The following DYM variants were observed in gnomAD, a reference collection of about 807,000 sequenced individuals.
DYM encodes dyggve-Melchior-Clausen syndrome protein.
A neutral mutation model predicts 93.1 loss-of-function variants in DYM; 78 were observed. The observed-to-expected ratio is 0.84, with a 90% CI of 0.70 to 1.01. The LOEUF is 1.01. DYM is among the 50% of genes least tolerant of loss of function. DYM has a pLI of 0.00. For missense variants in DYM, 789 were observed against 845.0 expected, an observed-to-expected ratio of 0.93 and a Z score of 0.82; for synonymous variants, 321 against 319.7, an observed-to-expected ratio of 1.00 and a Z score of -0.04.
chr18:49,059,953 T>C (rs1293313745), intron 17 of DYM, among the ~76,000 whole-genome samples: 6 of 152,188 alleles, frequency 3.9e-5, no homozygotes, highest in Admixed American at 2.6e-4. Context: ...TACCCTGCTT[T>C]AAGAAAACCC....
chr18:49,444,372 C>A (rs548512361), intron 1 of DYM, among the ~76,000 whole-genome samples: 2 of 152,092 alleles, frequency 1.3e-5, no homozygotes, highest in African/African-American at 2.4e-5. Context: ...AAAGAATGAC[C>A]CTCAACTACT....
chr18:49,365,194 CA>C (rs1427005480), intron 5 of DYM, among the ~76,000 whole-genome samples: 1 of 152,000 alleles, frequency 6.6e-6, no homozygotes. Context: ...TTCTAGGCTA[CA>C]ATATCACCTA....
At chr18:49,326,813 T>A (rs1310402745) in intron 8 of DYM, among the ~76,000 whole-genome samples, 1 of 152,160 alleles carries the variant, frequency 6.6e-6, no homozygotes, top group East Asian at 1.9e-4. Flanking sequence ...ATTTTCTTAT[T>A]TTTATTGACG....
intron 13 of DYM, among the ~76,000 whole-genome samples, chr18:49,254,052 G>C (rs1029403660): frequency 6.6e-6 from 1 of 151,744 alleles, no homozygotes; most frequent in African/African-American, 2.4e-5. Flanking sequence ...TCCCTCTCTT[G>C]TTTTGCTTTG....
At chr18:49,173,352 G>C (rs556759281) in intron 14 of DYM, among the ~76,000 whole-genome samples, 1 of 152,126 alleles carries the variant, frequency 6.6e-6, no homozygotes, top group Admixed American at 6.5e-5. Flanking sequence ...ACCTGGTAAG[G>C]TTTTGATTAG....
At chr18:49,152,729 C>T (rs2085959909) in intron 15 of DYM, among the ~76,000 whole-genome samples, 1 of 152,132 alleles carries the variant, frequency 6.6e-6, no homozygotes, top group East Asian at 1.9e-4. Context: ...CCTAAGTACT[C>T]GCTGACAGAT....
chr18:49,081,103 G>T (rs1369564664), intron 17 of DYM, among the ~76,000 whole-genome samples: 4 of 151,230 alleles, frequency 2.6e-5, no homozygotes, highest in Admixed American at 6.6e-5. Context: ...AGACGGGGTG[G>T]CGGCCGGGCA....
intron 8 of DYM, among the ~76,000 whole-genome samples, chr18:49,319,453 A>G (rs898827042): frequency 2.0e-5 from 3 of 152,232 alleles, no homozygotes; most frequent in African/African-American, 7.2e-5. Context: ...GAAAGGCTAA[A>G]GGACCATGAA....
intron 13 of DYM, among the ~76,000 whole-genome samples, chr18:49,213,554 A>T (rs2092891337): frequency 6.6e-6 from 1 of 152,114 alleles, no homozygotes; most frequent in African/African-American, 2.4e-5. Context: ...GACCTCAGGC[A>T]ATCCACCCAC....
At chr18:49,203,888 A>C (rs946582160) in intron 14 of DYM, among the ~76,000 whole-genome samples, 1 of 142,402 alleles carries the variant, frequency 7.0e-6, no homozygotes, top group African/African-American at 2.5e-5. Context: ...AAAAAAAAAA[A>C]AAAAAAAAAA....
chr18:49,374,888 GGCGGAGGTT>G (rs2067347436), intron 5 of DYM, among the ~76,000 whole-genome samples: 1 of 152,076 alleles, frequency 6.6e-6, no homozygotes, highest in South Asian at 2.1e-4. Flanking sequence ...GAACCCAGGA[GGCGGAGGTT>G]GCAGTGAGCC....
intron 13 of DYM, among the ~76,000 whole-genome samples, chr18:49,218,923 A>G (rs919207203): frequency 6.6e-6 from 1 of 152,234 alleles, no homozygotes. Flanking sequence ...AACTGAAGGA[A>G]ATAGAGACAC....
chr18:49,219,528 T>A (rs2093251146), intron 13 of DYM, among the ~76,000 whole-genome samples: 1 of 152,034 alleles, frequency 6.6e-6, no homozygotes, highest in Non-Finnish European at 1.5e-5. Context: ...GCAAACTGAA[T>A]CCAGCAGCAC....
chr18:49,229,149 A>AGT (rs2093626417), intron 13 of DYM, among the ~76,000 whole-genome samples: 2 of 3,432 alleles, frequency 5.8e-4, no homozygotes, highest in Non-Finnish European at 1.8e-3. Flanking sequence ...TTATTAACCT[A>AGT]ATAATCTAAT....
chr18:49,256,952 T>C (rs1343070906), intron 13 of DYM, 58 bp downstream of exon 13: 7 of 1,380,758 alleles, frequency 5.1e-6, no homozygotes, highest in Non-Finnish European at 6.2e-6. Context: ...CACCATAGTA[T>C]CCATCTTAAT....
chr18:49,264,870 C>T (rs898751946), intron 11 of DYM, among the ~76,000 whole-genome samples: 1 of 152,198 alleles, frequency 6.6e-6, no homozygotes, highest in African/African-American at 2.4e-5. Flanking sequence ...TCCTCAAAGT[C>T]TACCATACCT....
rs539068108 is a variant in DYM at position 49,191,552 on chromosome 18, A to G, written c.1625+17999T>C. 1.5e-4 allele frequency among the ~76,000 whole-genome samples: 23 copies of G among 152,340 alleles called. No individual in the cohort carries two copies. In the South Asian group the frequency reaches 4.1e-3, roughly 27 times the overall value. ...AAAACAAGGACATTATTATATATTT[A>G]GAGAACAGAGACCAGACTAAATGGA... On this transcript the variant is annotated intron_variant, in intron 14 of 17. Coordinates refer to ENST00000675505, the MANE Select transcript of DYM (RefSeq NM_001353214.3).
intron 16 of DYM, among the ~76,000 whole-genome samples, chr18:49,111,493 A>G (rs1280034737): frequency 6.6e-6 from 1 of 152,190 alleles, no homozygotes; most frequent in Non-Finnish European, 1.5e-5. Flanking sequence ...AATACTATTT[A>G]TGATAAATTA....
At chr18:49,058,218 A>C (rs2075669023) in intron 17 of DYM, among the ~76,000 whole-genome samples, 1 of 152,216 alleles carries the variant, frequency 6.6e-6, no homozygotes, top group South Asian at 2.1e-4. Context: ...AAGCATTTGG[A>C]GATCTCTAGT....
Sources: gnomAD v4.1 joint callset for allele counts (sites outside exome capture counted in the v4.1 genomes callset) on GRCh38, gnomAD v4.1.1 for gene constraint, MANE v1.5 for transcripts, NCBI Gene and HGNC (gene_info 2026-07-23, HGNC 2026-07-21) for gene names.